Variants in ERBB3 observed in about 807,000 individuals in gnomAD.
ERBB3 encodes receptor tyrosine-protein kinase erbB-3.
A neutral mutation model predicts 156.7 loss-of-function variants in ERBB3; 96 were observed. The ratio of observed to expected loss-of-function variants is 0.61; its 90% confidence interval spans 0.52 to 0.73. The LOEUF (loss-of-function observed/expected upper bound fraction) is 0.73. Ranked by LOEUF, ERBB3 falls within the 30% of genes least tolerant of loss-of-function variation. The pLI is 0.00. For missense variants in ERBB3, 1,406 were observed against 1,709.4 expected, an observed-to-expected ratio of 0.82 and a Z score of 3.13; for synonymous variants, 567 against 632.0, an observed-to-expected ratio of 0.90 and a Z score of 1.54.
chr12:56,096,442 G>C (rs564591346), intron 17 of ERBB3, 61 bp from the exon 18 acceptor site: 1 of 1,609,090 alleles, frequency 6.2e-7, no homozygotes, highest in East Asian at 2.2e-5. Context: ...TATGAGGAGC[G>C]GGTTGGAGTG....
intron 15 of ERBB3, 42 bp from the exon 16 acceptor site, chr12:56,095,215 G>A: frequency 6.8e-7 from 1 of 1,476,072 alleles, no homozygotes; most frequent in Non-Finnish European, 9.5e-7. Flanking sequence ...TTGAGCCTCT[G>A]CTGTCCAAGC....
intron 20 of ERBB3, 105 bp downstream of exon 20, chr12:56,097,335 CG>C: frequency 1.8e-6 from 2 of 1,091,774 alleles, no homozygotes; most frequent in South Asian, 2.6e-5. Flanking sequence ...CCCCAACCCC[CG>C]GGCTGCAGAC....
intron 9 of ERBB3, among the ~76,000 whole-genome samples, chr12:56,091,299 T>TATATGTTACA (rs1485222654): frequency 7.2e-4 from 1 of 1,382 alleles, no homozygotes; most frequent in Non-Finnish European, 1.3e-3. Context: ...TATATATAAA[T>TATATGTTACA]AATATATATA....
intron 4 of ERBB3, 144 bp from the exon 5 acceptor site, chr12:56,087,433 G>T (rs1049756401): frequency 1.9e-5 from 15 of 775,230 alleles, no homozygotes; most frequent in Non-Finnish European, 2.3e-6. Flanking sequence ...GCCCAGCCCT[G>T]CTCTCCAAGG....
In ERBB3 at chr12:56,097,092, G is replaced by A. The variant is rs2136818429; in HGVS notation, c.2322G>A (p.Leu774=). 1 of 1,614,144 alleles carries A rather than the reference G, an allele frequency of 6.2e-7. No homozygotes were observed. The highest frequency in any genetic ancestry group is 8.5e-7 in the Non-Finnish European group (1 of 1,180,010). ...TGGACCATGCCCACATTGTAAGGCT[G>A]CTGGGACTATGCCCAGGGTCATCTC... ...GSLDHAHIVR[L]LGLCPGSSLQ... is the part of the protein sequence containing the mutation. Residue 774 remains leucine (L), a synonymous_variant, in exon 20 of 28, where the codon CTG becomes CTA. Coordinates refer to ENST00000267101, the MANE Select transcript of ERBB3 (RefSeq NM_001982.4).
At position 56,101,238 on chromosome 12, in the gene ERBB3, C is replaced by T. The variant is rs763808045; in HGVS notation, c.3379C>T (p.Arg1127Cys). Residue 1127 changes from arginine to cysteine, a missense_variant, in exon 27 of 28, where the codon CGC becomes TGC. Physicochemically the swap from Arg to Cys is radical, Grantham distance 180 (BLOSUM62 -3). Coordinates refer to ENST00000267101, the MANE Select transcript of ERBB3 (RefSeq NM_001982.4). ...GAGCAGGAGCCGGAGCCCACGGCCACGCGGAGATAGCGCCTACCATTCCCA... is the reference window on the plus strand; with the variant it reads ...GAGCAGGAGCCGGAGCCCACGGCCATGCGGAGATAGCGCCTACCATTCCCA... ...SRSRSRSPRPRGDSAYHSQRH... is the reference protein window; with the variant it reads ...SRSRSRSPRPCGDSAYHSQRH... 3.0e-5 allele frequency: 48 copies of T among 1,613,942 alleles called. No individual in the cohort carries two copies. Among genetic ancestry groups the T allele is most frequent in the Admixed American group, 1.5e-4 (9 of 59,994 alleles).
At chr12:56,090,516 C>G (rs1350924483) in intron 9 of ERBB3, among the ~76,000 whole-genome samples, 1 of 151,944 alleles carries the variant, frequency 6.6e-6, no homozygotes, top group Admixed American at 6.6e-5. Flanking sequence ...TGGTGGTGTG[C>G]GCCTGTAGTC....
intron 1 of ERBB3, among the ~76,000 whole-genome samples, chr12:56,082,192 C>T (rs1461727612): frequency 6.6e-6 from 1 of 152,158 alleles, no homozygotes; most frequent in Non-Finnish European, 1.5e-5. Context: ...ATTCCTGAGC[C>T]AGCAGGACCA....
At chr12:56,096,426 T>A in intron 17 of ERBB3, 77 bp from the exon 18 acceptor site, 2 of 1,590,606 alleles carry the variant, frequency 1.3e-6, no homozygotes, top group Admixed American at 1.7e-5. Flanking sequence ...GCTTTTGGCA[T>A]TCACCTATGA....
At position 56,093,776 on chromosome 12, in the gene ERBB3, A is replaced by T. The variant is rs146593760; in HGVS notation, c.1493A>T (p.Lys498Ile). 421 of 1,614,036 alleles carry T rather than the reference A, an allele frequency of 2.6e-4. 2 individuals carry two copies. In the East Asian group the frequency reaches 7.5e-3, roughly 29 times the overall value. ...CCTTCCTTTCCAGTGGCAGAGGGCA[A>T]AGTGTGTGACCCACTGTGCTCCTCT... is the stretch of plus-strand genomic sequence containing the variant. ...RPRRDCVAEG[K>I]VCDPLCSSGG... The change falls in exon 13 of 28, where the codon AAA becomes ATA. Residue 498 changes from lysine to isoleucine, a missense_variant. Lys to Ile is a moderately radical substitution (Grantham distance 102). Transcript: ENST00000267101.
intron 14 of ERBB3, 30 bp downstream of exon 14, chr12:56,094,219 G>C (rs1480565367): frequency 1.9e-6 from 3 of 1,582,580 alleles, no homozygotes; most frequent in Non-Finnish European, 2.6e-6. Context: ...ATCTCCAAGG[G>C]AGACAGAGAA....
At position 56,088,168 on chromosome 12, in the gene ERBB3, T is replaced by G. The variant is rs1275921044; in HGVS notation, c.874+6T>G. On this transcript the variant is annotated splice_donor_region_variant and intron_variant, in intron 7 of 27. Transcript: ENST00000267101. ...TTGTGTAGCCAGCTGTCCCCGTAAG[T>G]GTCTGAGGGGAAGGAACAATGATCA... 6.2e-7 allele frequency: 1 copy of G among 1,613,874 alleles called. No individual in the cohort carries two copies. The highest frequency in any genetic ancestry group is 8.5e-7 in the Non-Finnish European group (1 of 1,179,786).
In ERBB3 at chr12:56,090,764, T is replaced by G. The variant is rs114032300; in HGVS notation, c.1109+1896T>G. On this transcript the variant is annotated intron_variant, in intron 9 of 27. Coordinates refer to ENST00000267101, the MANE Select transcript of ERBB3 (RefSeq NM_001982.4). ...TTCTGGACCACGTGAGGGTAAATTT[T>G]CACACATGGTTCTTTCTTACCCCTG... Among the ~76,000 whole-genome samples the G allele has an allele frequency of 2.6e-3, 389 of 152,270 alleles. 3 individuals carry two copies. The highest frequency in any genetic ancestry group is 9.0e-3 in the African/African-American group (372 of 41,558).
chr12:56,101,475 T>G (rs1034399677), intron 27 of ERBB3, 54 bp from the exon 28 acceptor site: 2 of 1,605,250 alleles, frequency 1.2e-6, no homozygotes, highest in Non-Finnish European at 1.7e-6. Context: ...TTTCAAACTT[T>G]CCCCTACCCT....
rs1050906556 is a variant in ERBB3 at position 56,102,318 on chromosome 12, T to G, written c.*263T>G. The G allele has an allele frequency of 8.0e-6, 4 of 497,618 alleles. No individual in the cohort carries two copies. The highest frequency in any genetic ancestry group is 3.8e-5 in the African/African-American group (2 of 52,198). The allele number at this position is 497,618 out of a possible 1,614,324, so 30.8% of individuals were successfully genotyped here. On this transcript the variant is annotated 3_prime_UTR_variant, in exon 28 of 28. Coordinates refer to ENST00000267101, the MANE Select transcript of ERBB3 (RefSeq NM_001982.4). ...TGCTTTCCCAGTCCCATTCCTCAGC[T>G]TCTTCACAGGCACTCCTGGAGATAT...
chr12:56,089,036 T>A, intron 9 of ERBB3, 168 bp downstream of exon 9: 1 of 853,210 alleles, frequency 1.2e-6, no homozygotes, highest in Non-Finnish European at 1.9e-6. Context: ...CATCCAGGCC[T>A]TCGGTCCCCT....
chr12:56,086,495 C>A (rs373476674), intron 3 of ERBB3, 36 bp from the exon 4 acceptor site: 2 of 1,613,340 alleles, frequency 1.2e-6, no homozygotes. Flanking sequence ...CGTTCCGCTG[C>A]GGCCCTTAAC....
rs1235897459 is a variant in ERBB3 at position 56,088,605 on chromosome 12, G to C, written c.937G>C (p.Asp313His). 6.2e-7 allele frequency: 1 copy of C among 1,614,196 alleles called. No homozygotes were observed. Among genetic ancestry groups the C allele is most frequent in the African/African-American group, 1.3e-5 (1 of 75,050 alleles). Residue 313 changes from aspartate to histidine, a missense_variant, in exon 8 of 28, where the codon GAT (aspartate) becomes CAT (histidine). Asp to His is a moderately conservative substitution (Grantham distance 81). Coordinates refer to ENST00000267101, the MANE Select transcript of ERBB3 (RefSeq NM_001982.4). ...CTGTCCTCCTGACAAGATGGAAGTA[G>C]ATAAAAATGGGCTCAAGATGTGTGA... ...RACPPDKMEVDKNGLKMCEPC... is the reference protein window; with the variant it reads ...RACPPDKMEVHKNGLKMCEPC...
intron 3 of ERBB3, among the ~76,000 whole-genome samples, chr12:56,085,852 A>G (rs1487904459): frequency 6.6e-6 from 1 of 151,510 alleles, no homozygotes; most frequent in Non-Finnish European, 1.5e-5. Flanking sequence ...GGTGGATCAC[A>G]AGGTCAGGAG....
Sources: allele counts gnomAD v4.1 joint callset (sites outside exome capture counted in the v4.1 genomes callset), GRCh38; gene constraint gnomAD v4.1.1; transcripts MANE v1.5; gene names NCBI Gene and HGNC (gene_info 2026-07-23, HGNC 2026-07-21).